The following ROS1 variants were observed in gnomAD, a reference collection of about 807,000 sequenced individuals.
ROS1 encodes the protein proto-oncogene tyrosine-protein kinase ROS.
ROS1 carries 263 observed loss-of-function variants against 273.5 expected under a neutral mutation model. That is an observed-to-expected ratio of 0.96 (90% CI 0.87 to 1.06). The LOEUF (loss-of-function observed/expected upper bound fraction) is 1.06, where lower values mean the gene tolerates loss of function less well. ROS1 is among the 50% of genes least tolerant of loss of function. ROS1 has a pLI of 0.00. For synonymous variants in ROS1, 1,008 were observed against 954.1 expected, an observed-to-expected ratio of 1.06 and a Z score of -1.04; for missense variants, 2,833 against 2,751.1, an observed-to-expected ratio of 1.03 and a Z score of -0.67.
chr6:117,320,196 A>G (rs1196083022), intron 36 of ROS1, among the ~76,000 whole-genome samples, 166 bp from the exon 37 acceptor site: 1 of 152,066 alleles, frequency 6.6e-6, no homozygotes, highest in African/African-American at 2.4e-5. Flanking sequence ...GTTCCTAATT[A>G]CTTTACTTTA....
intron 1 of ROS1, among the ~76,000 whole-genome samples, chr6:117,418,852 T>C (rs770858125): frequency 1.3e-5 from 2 of 152,208 alleles, no homozygotes; most frequent in Non-Finnish European, 2.9e-5. Flanking sequence ...GTTCAGACTT[T>C]TCCTTTTTAA....
chr6:117,362,526 T>C, intron 22 of ROS1, 77 bp downstream of exon 22: 1 of 1,377,104 alleles, frequency 7.3e-7, no homozygotes, highest in Non-Finnish European at 9.9e-7. Context: ...CTGTAACATA[T>C]CCCAGAAACA....
intron 18 of ROS1, among the ~76,000 whole-genome samples, chr6:117,372,635 G>T (rs981865603): frequency 2.6e-5 from 4 of 152,146 alleles, no homozygotes; most frequent in Non-Finnish European, 5.9e-5. Flanking sequence ...GACCTTCGTG[G>T]TGAGTGTTAC....
At chr6:117,333,972 A>G (rs1389562244) in intron 32 of ROS1, among the ~76,000 whole-genome samples, 1 of 152,278 alleles carries the variant, frequency 6.6e-6, no homozygotes, top group East Asian at 1.9e-4. Context: ...CCTATTCAAC[A>G]TAGTATTGGA....
intron 1 of ROS1, among the ~76,000 whole-genome samples, chr6:117,424,631 C>T (rs977217247): frequency 1.3e-5 from 2 of 151,886 alleles, no homozygotes; most frequent in Admixed American, 6.6e-5. Flanking sequence ...AAATACTAAA[C>T]TTTTAAAAAA....
At chr6:117,416,040 C>A (rs1456460903) in intron 3 of ROS1, among the ~76,000 whole-genome samples, 1 of 152,184 alleles carries the variant, frequency 6.6e-6, no homozygotes, top group African/African-American at 2.4e-5. Flanking sequence ...TTGGCAATAA[C>A]CTTCCGTGAC....
At chr6:117,374,578 T>C (rs1781160772) in intron 18 of ROS1, among the ~76,000 whole-genome samples, 1 of 152,156 alleles carries the variant, frequency 6.6e-6, no homozygotes, top group South Asian at 2.1e-4. Context: ...AAAGACTTCA[T>C]GACAAAGAAC....
intron 43 of ROS1, among the ~76,000 whole-genome samples, chr6:117,291,879 G>T (rs969218374): frequency 6.6e-6 from 1 of 152,128 alleles, no homozygotes; most frequent in Non-Finnish European, 1.5e-5. Context: ...TCAAGGGTCC[G>T]TGGAGACTTC....
intron 27 of ROS1, among the ~76,000 whole-genome samples, chr6:117,346,656 T>G (rs553460972): frequency 2.0e-5 from 3 of 152,104 alleles, no homozygotes; most frequent in East Asian, 3.9e-4. Context: ...TCCCAGATAC[T>G]CCTTTTCTCC....
chr6:117,322,958 A>G (rs1198081017), intron 35 of ROS1, among the ~76,000 whole-genome samples: 1 of 152,182 alleles, frequency 6.6e-6, no homozygotes, highest in Non-Finnish European at 1.5e-5. Flanking sequence ...GGTTTAAACA[A>G]TGGTGATGTA....
chr6:117,294,935 T>C (rs1774107541), intron 43 of ROS1, among the ~76,000 whole-genome samples: 1 of 152,134 alleles, frequency 6.6e-6, no homozygotes, highest in South Asian at 2.1e-4. Flanking sequence ...ACCAATGACA[T>C]TCTTCACAGA....
Position 117,425,684 on chromosome 6 carries a change from G to C in ROS1, c.-28C>G. On this transcript the variant is annotated 5_prime_UTR_variant, in exon 1 of 44. Coordinates refer to ENST00000368507, the MANE Select transcript of ROS1 (RefSeq NM_001378902.1). The stretch of plus-strand genomic sequence containing the variant: ...CTTCACCAATGGCAGATTTTTAGAT[G>C]GCCGGTCTAATTTTCTCCATTTTGC... 1 of 1,607,780 alleles carries C rather than the reference G, an allele frequency of 6.2e-7. No homozygotes were observed. The highest frequency in any genetic ancestry group is 8.5e-7 in the Non-Finnish European group (1 of 1,177,274).
At chr6:117,337,066 CT>C in intron 32 of ROS1, 105 bp downstream of exon 32, 1 of 885,174 alleles carries the variant, frequency 1.1e-6, no homozygotes, top group Non-Finnish European at 1.7e-6. Flanking sequence ...TAATAATGTA[CT>C]GCTTTTAAAG....
chr6:117,329,429 G>A lies in ROS1; in HGVS notation c.5248C>T (p.Pro1750Ser). ...CCTTCTAGTAATTTGGGAATGCCTG[G>A]TTTATTTGGGACTCCAGCTTTAGGG... Reference protein sequence around the residue: ...FKTKAGVPNKPGIPKLLEGSK... With the variant: ...FKTKAGVPNKSGIPKLLEGSK... Residue 1750 changes from proline to serine, a missense_variant, in exon 33 of 44, where the codon CCA becomes TCA. By Grantham distance (74) the Pro-to-Ser change is moderately conservative. Transcript: ENST00000368507. 2 of 1,574,130 alleles carry A rather than the reference G, an allele frequency of 1.3e-6. No individual in the cohort carries two copies. The highest frequency in any genetic ancestry group is 1.7e-6 in the Non-Finnish European group (2 of 1,145,528).
rs566703619 is a variant in ROS1 at position 117,321,682 on chromosome 6, TAA to T, written c.5624-290_5624-289del. ...TAAACAAATTAAAGTATCTTAATAT[TAA>T]AACTTATTTGTCAAAATCACCCATA... On this transcript the variant is annotated intron_variant, in intron 35 of 43. Coordinates refer to ENST00000368507, the MANE Select transcript of ROS1 (RefSeq NM_001378902.1). 3.8e-3 allele frequency among the ~76,000 whole-genome samples: 581 copies of T among 152,222 alleles called. 4 individuals are homozygous for T. Among genetic ancestry groups the T allele is most frequent in the Middle Eastern group, 0.027 (8 of 294 alleles).
chr6:117,339,046 C>A (rs1430499843), intron 31 of ROS1, among the ~76,000 whole-genome samples: 2 of 152,096 alleles, frequency 1.3e-5, no homozygotes, highest in Admixed American at 1.3e-4. Context: ...TAAATATGTT[C>A]TTCTTCTATA....
At chr6:117,306,403 C>A (rs1042515261) in intron 42 of ROS1, among the ~76,000 whole-genome samples, 1 of 152,060 alleles carries the variant, frequency 6.6e-6, no homozygotes, top group Non-Finnish European at 1.5e-5. Flanking sequence ...GTTATAAAAC[C>A]CCAGAAAGCT....
chr6:117,317,346 C>T (rs1775994429), intron 38 of ROS1, 74 bp from the exon 39 acceptor site: 2 of 1,472,202 alleles, frequency 1.4e-6, no homozygotes, highest in Middle Eastern at 1.8e-4. Context: ...TTATGGAGTA[C>T]AGCAATTCTT....
At chr6:117,384,916 A>C (rs1772438417) in intron 16 of ROS1, among the ~76,000 whole-genome samples, 2 of 152,046 alleles carry the variant, frequency 1.3e-5, no homozygotes, top group South Asian at 4.2e-4. Context: ...TCTGTGCCTA[A>C]AGTCACAGTC....
Sources: gnomAD v4.1 joint callset for allele counts (sites outside exome capture counted in the v4.1 genomes callset) on GRCh38, gnomAD v4.1.1 for gene constraint, MANE v1.5 for transcripts, NCBI Gene and HGNC (gene_info 2026-07-23, HGNC 2026-07-21) for gene names.